XPR1: variants seen among roughly 807,000 people sequenced by gnomAD.
XPR1 encodes the protein xenotropic and polytropic retrovirus receptor 1, also known as solute carrier family 53 member 1.
XPR1 carries 28 observed loss-of-function variants against 87.5 expected under a neutral mutation model. The ratio of observed to expected loss-of-function variants is 0.32; its 90% CI spans 0.24 to 0.44. The LOEUF is 0.44. XPR1 is among the 20% of genes least tolerant of loss of function. XPR1 has a pLI of 1.00. For synonymous variants in XPR1, 300 were observed against 306.1 expected, an observed-to-expected ratio of 0.98 and a Z score of 0.21; for missense variants, 559 against 862.3, an observed-to-expected ratio of 0.65 and a Z score of 4.41.
intron 2 of XPR1, among the ~76,000 whole-genome samples, chr1:180,704,790 C>G (rs1022703110): frequency 7.9e-6 from 1 of 126,490 alleles, no homozygotes; most frequent in Non-Finnish European, 1.7e-5. Flanking sequence ...CTCCAATCAG[C>G]CATTTTTCCA....
At chr1:180,764,020 A>G (rs1054653302) in intron 2 of XPR1, among the ~76,000 whole-genome samples, 1 of 152,212 alleles carries the variant, frequency 6.6e-6, no homozygotes, top group African/African-American at 2.4e-5. Flanking sequence ...CACTTTGTTA[A>G]TGGTATGCCT....
chr1:180,769,801 G>A (rs535074844), intron 2 of XPR1, among the ~76,000 whole-genome samples: 1 of 152,296 alleles, frequency 6.6e-6, no homozygotes, highest in South Asian at 2.1e-4. Context: ...CCAGCAGTGG[G>A]ATTGCTGGGT....
intron 11 of XPR1, among the ~76,000 whole-genome samples, chr1:180,848,973 A>G (rs1403484008): frequency 1.3e-5 from 2 of 152,206 alleles, no homozygotes; most frequent in Admixed American, 1.3e-4. Context: ...GTAGGTGCCA[A>G]GGAGATGTTT....
intron 2 of XPR1, among the ~76,000 whole-genome samples, chr1:180,782,852 T>C (rs773742046): frequency 2.0e-5 from 3 of 151,920 alleles, no homozygotes; most frequent in Non-Finnish European, 4.4e-5. Flanking sequence ...AAAACTTATA[T>C]TGATATTGGG....
chr1:180,885,923 C>G lies in XPR1; in HGVS notation c.*1857C>G, dbSNP rs1419070967. 6.6e-6 allele frequency: 1 copy of G among 152,016 alleles called. No homozygotes were observed. The highest frequency in any genetic ancestry group is 1.5e-5 in the Non-Finnish European group (1 of 67,996). 9.4% of individuals were successfully genotyped at this position (152,016 alleles called of 1,614,324 possible). On this transcript the variant is annotated 3_prime_UTR_variant, in exon 15 of 15. Coordinates refer to ENST00000367590, the MANE Select transcript of XPR1 (RefSeq NM_004736.4). ...AGTTTCTTTTTAAAGTAGTTTCTTCCATCTTTATTCTGACTAGCTTCCAAA... is the reference window on the plus strand; with the variant it reads ...AGTTTCTTTTTAAAGTAGTTTCTTCGATCTTTATTCTGACTAGCTTCCAAA...
At chr1:180,775,503 ATCTT>A (rs1170346542) in intron 2 of XPR1, among the ~76,000 whole-genome samples, 2 of 152,220 alleles carry the variant, frequency 1.3e-5, no homozygotes, top group Admixed American at 6.5e-5. Context: ...ATCCTCAGAT[ATCTT>A]TTGTTTGCTT....
chr1:180,658,248 C>T (rs932514202), intron 1 of XPR1, among the ~76,000 whole-genome samples: 3 of 152,278 alleles, frequency 2.0e-5, no homozygotes, highest in South Asian at 4.1e-4. Context: ...AATAGTTTGA[C>T]TTCTTTCTTT....
intron 3 of XPR1, among the ~76,000 whole-genome samples, chr1:180,791,617 T>C (rs1404593136): frequency 6.6e-6 from 1 of 152,206 alleles, no homozygotes; most frequent in Non-Finnish European, 1.5e-5. Context: ...CCAGCACACA[T>C]ATACAGATAA....
intron 6 of XPR1, among the ~76,000 whole-genome samples, chr1:180,808,498 TAAG>T (rs1473767984): frequency 6.6e-6 from 1 of 151,956 alleles, no homozygotes; most frequent in Non-Finnish European, 1.5e-5. Context: ...AAAGACATAT[TAAG>T]AGAATGAAAA....
intron 6 of XPR1, among the ~76,000 whole-genome samples, chr1:180,810,253 A>G (rs1650159648): frequency 6.6e-6 from 1 of 152,096 alleles, no homozygotes; most frequent in African/African-American, 2.4e-5. Context: ...TCTCTTAAGA[A>G]CCTCTCGTAT....
chr1:180,837,231 A>G (rs1048141488), intron 11 of XPR1, among the ~76,000 whole-genome samples: 2 of 152,200 alleles, frequency 1.3e-5, no homozygotes, highest in Non-Finnish European at 2.9e-5. Flanking sequence ...GAGAAGAGAA[A>G]AGGCTTTTAA....
chr1:180,820,990 T>G (rs1014301146), intron 7 of XPR1, among the ~76,000 whole-genome samples: 6 of 145,586 alleles, frequency 4.1e-5, no homozygotes, highest in African/African-American at 1.5e-4. Context: ...GATAAATGAT[T>G]TGCAAATATT....
intron 11 of XPR1, among the ~76,000 whole-genome samples, chr1:180,854,928 G>T (rs1029704356): frequency 2.6e-5 from 4 of 152,192 alleles, no homozygotes; most frequent in African/African-American, 9.7e-5. Flanking sequence ...AGGCTGCCCA[G>T]AGACTATGTT....
At chr1:180,812,283 T>TAG (rs1650245724) in intron 7 of XPR1, among the ~76,000 whole-genome samples, 1 of 152,212 alleles carries the variant, frequency 6.6e-6, no homozygotes, top group Non-Finnish European at 1.5e-5. Context: ...CTCCTCTGTC[T>TAG]ATATTTGTTT....
intron 6 of XPR1, among the ~76,000 whole-genome samples, chr1:180,810,696 T>C (rs1650176171): frequency 6.6e-6 from 1 of 152,110 alleles, no homozygotes; most frequent in Middle Eastern, 3.4e-3. Context: ...AAACTCTGAG[T>C]AATACTGACT....
intron 2 of XPR1, among the ~76,000 whole-genome samples, chr1:180,741,347 G>A (rs112431650): frequency 1.1e-4 from 17 of 152,052 alleles, no homozygotes; most frequent in South Asian, 4.2e-4. Context: ...TGTATTTTTA[G>A]TAGAGATGGG....
intron 2 of XPR1, among the ~76,000 whole-genome samples, chr1:180,784,224 A>G (rs1290802690): frequency 1.2e-4 from 18 of 152,038 alleles, no homozygotes; most frequent in Admixed American, 1.1e-3. Context: ...GAGTGTGTTC[A>G]TTTATCATTA....
At chr1:180,652,207 G>T (rs1281188304) in intron 1 of XPR1, among the ~76,000 whole-genome samples, 1 of 152,090 alleles carries the variant, frequency 6.6e-6, no homozygotes, top group Admixed American at 6.5e-5. Context: ...CAGGAGAATT[G>T]CATTAACCTG....
chr1:180,710,203 G>GTTT (rs60565276), intron 2 of XPR1, among the ~76,000 whole-genome samples: 77 of 138,750 alleles, frequency 5.5e-4, no homozygotes, highest in African/African-American at 1.9e-3. Context: ...GTTTAATTTA[G>GTTT]TTTTTTTTTT....
Sources: gnomAD v4.1 joint callset for allele counts (sites outside exome capture counted in the v4.1 genomes callset) on GRCh38, gnomAD v4.1.1 for gene constraint, MANE v1.5 for transcripts, NCBI Gene and HGNC (gene_info 2026-07-23, HGNC 2026-07-21) for gene names.